PLD5: variants seen among roughly 807,000 people sequenced by gnomAD.
PLD5 encodes phospholipase D family member 5.
Under a neutral mutation model 61.1 loss-of-function variants are expected in PLD5, and 36 were observed. The ratio of observed to expected loss-of-function variants is 0.59; its 90% CI spans 0.45 to 0.78. The LOEUF (loss-of-function observed/expected upper bound fraction) is 0.78, where lower values mean the gene tolerates loss of function less well. PLD5 is among the 30% of genes least tolerant of loss of function. The pLI, the probability that PLD5 is intolerant of heterozygous loss-of-function variation, is 0.00. For missense variants in PLD5, 515 were observed against 644.4 expected, an observed-to-expected ratio of 0.80 and a Z score of 2.17; for synonymous variants, 243 against 242.8, an observed-to-expected ratio of 1.00 and a Z score of -0.01.
At chr1:242,455,895 T>C (rs772794430) in intron 1 of PLD5, among the ~76,000 whole-genome samples, 3 of 152,234 alleles carry the variant, frequency 2.0e-5, no homozygotes, top group Non-Finnish European at 4.4e-5. Context: ...GCTACACCAG[T>C]TGTGGTGCGG....
chr1:242,225,575 C>G (rs1055259648), intron 4 of PLD5, among the ~76,000 whole-genome samples: 1 of 150,226 alleles, frequency 6.7e-6, no homozygotes, highest in African/African-American at 2.5e-5. Flanking sequence ...CCACACATAA[C>G]GCATGTGAGA....
At chr1:242,476,390 C>T (rs1007362022) in intron 1 of PLD5, among the ~76,000 whole-genome samples, 3 of 151,892 alleles carry the variant, frequency 2.0e-5, no homozygotes, top group Admixed American at 1.3e-4. Flanking sequence ...GAAAACCCCC[C>T]CAAATGGAGC....
At chr1:242,392,908 A>G (rs987457854) in intron 1 of PLD5, among the ~76,000 whole-genome samples, 1 of 152,180 alleles carries the variant, frequency 6.6e-6, no homozygotes, top group Non-Finnish European at 1.5e-5. Context: ...AGTAAGCAAT[A>G]AAAGTATTTT....
intron 1 of PLD5, among the ~76,000 whole-genome samples, chr1:242,372,812 A>G (rs567843005): frequency 4.1e-4 from 60 of 146,332 alleles, no homozygotes; most frequent in African/African-American, 1.5e-3. Context: ...TTAAAGACTT[A>G]AATGTCAGAC....
At chr1:242,412,019 C>T (rs1664585355) in intron 1 of PLD5, among the ~76,000 whole-genome samples, 3 of 152,078 alleles carry the variant, frequency 2.0e-5, no homozygotes, top group Admixed American at 2.0e-4. Flanking sequence ...AGTAAATCTA[C>T]ATTTTACCCA....
intron 4 of PLD5, among the ~76,000 whole-genome samples, chr1:242,257,073 T>C (rs1673104047): frequency 6.6e-6 from 1 of 151,118 alleles, no homozygotes; most frequent in Non-Finnish European, 1.5e-5. Flanking sequence ...TCTATCTATC[T>C]ATCTATCTAT....
At chr1:242,193,662 G>A (rs1460373207) in intron 5 of PLD5, among the ~76,000 whole-genome samples, 3 of 152,184 alleles carry the variant, frequency 2.0e-5, no homozygotes, top group Non-Finnish European at 4.4e-5. Context: ...ATCTGTGTGA[G>A]GAATATCAGG....
intron 5 of PLD5, among the ~76,000 whole-genome samples, chr1:242,127,453 T>C (rs534945464): frequency 6.6e-6 from 1 of 152,182 alleles, no homozygotes; most frequent in South Asian, 2.1e-4. Context: ...TATATGCATA[T>C]GTTGGAATAC....
chr1:242,162,918 T>TA (rs992307217), intron 5 of PLD5, among the ~76,000 whole-genome samples: 2 of 152,102 alleles, frequency 1.3e-5, no homozygotes, highest in African/African-American at 2.4e-5. Context: ...ATGGCGAATG[T>TA]AAAAAAGAAT....
intron 3 of PLD5, among the ~76,000 whole-genome samples, chr1:242,286,791 A>G (rs1675050668): frequency 6.6e-6 from 1 of 152,198 alleles, no homozygotes; most frequent in South Asian, 2.1e-4. Flanking sequence ...CAATTTCTAG[A>G]TCTAGCCAAA....
chr1:242,505,854 C>T (rs1668702673), intron 1 of PLD5, among the ~76,000 whole-genome samples: 1 of 152,190 alleles, frequency 6.6e-6, no homozygotes, highest in African/African-American at 2.4e-5. Flanking sequence ...CTGCCACCTG[C>T]ACCTCTAAGC....
At chr1:242,375,002 C>T (rs188680656) in intron 1 of PLD5, among the ~76,000 whole-genome samples, 125 of 152,308 alleles carry the variant, frequency 8.2e-4, no homozygotes, top group African/African-American at 2.9e-3. Context: ...ACAGCAATCA[C>T]CAGCACCTAT....
intron 8 of PLD5, among the ~76,000 whole-genome samples, 176 bp from the exon 9 acceptor site, chr1:242,100,958 G>T (rs1164327080): frequency 6.6e-6 from 1 of 152,088 alleles, no homozygotes; most frequent in Non-Finnish European, 1.5e-5. Context: ...ATCTAAATAG[G>T]CAACAAGAGA....
chr1:242,260,376 A>G (rs772423182), intron 4 of PLD5, among the ~76,000 whole-genome samples: 2 of 151,494 alleles, frequency 1.3e-5, no homozygotes, highest in African/African-American at 4.8e-5. Flanking sequence ...TGTCACGATT[A>G]CTCCCTGTAA....
At chr1:242,121,315 TATAA>T (rs1225601684) in intron 6 of PLD5, among the ~76,000 whole-genome samples, 1 of 152,140 alleles carries the variant, frequency 6.6e-6, no homozygotes, top group East Asian at 1.9e-4. Context: ...GAAAGATGAT[TATAA>T]ATAAATAGTT....
At chr1:242,180,838 C>A (rs1013717581) in intron 5 of PLD5, among the ~76,000 whole-genome samples, 1 of 152,026 alleles carries the variant, frequency 6.6e-6, no homozygotes, top group Non-Finnish European at 1.5e-5. Context: ...GAAAAATTAA[C>A]CAGGTGTTAT....
chr1:242,530,442 T>C, the PLD5 span, among the ~76,000 whole-genome samples: 3,290 of 152,294 alleles, frequency 0.022, 114 homozygotes, highest in African/African-American at 0.075. Flanking sequence ...TAATCTAGCG[T>C]GACTAAAAGC....
chr1:242,351,940 TAA>T (rs60828544), intron 1 of PLD5, among the ~76,000 whole-genome samples: 1 of 152,210 alleles, frequency 6.6e-6, no homozygotes, highest in South Asian at 2.1e-4. Context: ...CTAATTTTTT[TAA>T]AAGTTTATAT....
At chr1:242,211,018 G>A (rs909331294) in intron 5 of PLD5, among the ~76,000 whole-genome samples, 17 of 152,176 alleles carry the variant, frequency 1.1e-4, no homozygotes, top group African/African-American at 4.1e-4. Flanking sequence ...GTACGAAACC[G>A]TTCTGTAACA....
Sources: gnomAD v4.1 joint callset for allele counts (sites outside exome capture counted in the v4.1 genomes callset) on GRCh38, gnomAD v4.1.1 for gene constraint, MANE v1.5 for transcripts, NCBI Gene and HGNC (gene_info 2026-07-23, HGNC 2026-07-21) for gene names.